MIPOL1: variants seen among roughly 807,000 people sequenced by gnomAD.
MIPOL1 encodes mirror-image polydactyly gene 1 protein.
MIPOL1 carries 57 observed loss-of-function variants against 60.9 expected under a neutral mutation model. The observed-to-expected ratio is 0.94, with a 90% CI of 0.76 to 1.17. The LOEUF is 1.17. Ranked by LOEUF, MIPOL1 falls within the 50% of genes most tolerant of loss-of-function variation. MIPOL1 has a pLI of 0.00. For synonymous variants in MIPOL1, 179 were observed against 168.8 expected (o/e 1.06, Z -0.47); for missense variants, 551 against 511.6 (o/e 1.08, Z -0.74).
chr14:37,257,750 T>G (rs1975201008), intron 3 of MIPOL1, among the ~76,000 whole-genome samples: 1 of 152,112 alleles, frequency 6.6e-6, no homozygotes, highest in Non-Finnish European at 1.5e-5. Context: ...GTAACCCAGG[T>G]TTAGGAACAA....
chr14:37,228,492 G>A (rs1400748932), intron 1 of MIPOL1, among the ~76,000 whole-genome samples: 1 of 151,888 alleles, frequency 6.6e-6, no homozygotes, highest in Non-Finnish European at 1.5e-5. Context: ...AAACCGTTTA[G>A]TTTCTTGTCC....
At chr14:37,496,829 A>T (rs1594730674) in intron 11 of MIPOL1, among the ~76,000 whole-genome samples, 1 of 152,328 alleles carries the variant, frequency 6.6e-6, no homozygotes, top group Non-Finnish European at 1.5e-5. Flanking sequence ...ACCAAAAAAG[A>T]GTCTGCATCG....
intron 11 of MIPOL1, among the ~76,000 whole-genome samples, chr14:37,425,739 C>CA (rs1220690445): frequency 6.6e-6 from 1 of 151,922 alleles, no homozygotes; most frequent in African/African-American, 2.4e-5. Flanking sequence ...GGAGCAGAAC[C>CA]AAAAAATATA....
At chr14:37,402,672 G>T (rs2093507456) in intron 10 of MIPOL1, among the ~76,000 whole-genome samples, 1 of 152,140 alleles carries the variant, frequency 6.6e-6, no homozygotes, top group Non-Finnish European at 1.5e-5. Context: ...AGGAATTGTG[G>T]CCTAAGTATT....
chr14:37,269,982 C>G (rs2083170157), intron 5 of MIPOL1, among the ~76,000 whole-genome samples: 1 of 152,076 alleles, frequency 6.6e-6, no homozygotes, highest in Non-Finnish European at 1.5e-5. Context: ...TGCCCGCCAC[C>G]ACACCTAGCT....
At chr14:37,380,663 A>G (rs977487128) in intron 10 of MIPOL1, among the ~76,000 whole-genome samples, 1 of 152,166 alleles carries the variant, frequency 6.6e-6, no homozygotes, top group Non-Finnish European at 1.5e-5. Flanking sequence ...ATTGCTTTTA[A>G]CATTGGTTAC....
intron 1 of MIPOL1, among the ~76,000 whole-genome samples, chr14:37,226,496 C>T (rs1051258102): frequency 2.6e-5 from 4 of 152,210 alleles, no homozygotes; most frequent in African/African-American, 9.7e-5. Context: ...ATAGAACCAT[C>T]AGATCTCATG....
intron 5 of MIPOL1, 81 bp downstream of exon 5, chr14:37,268,874 T>C (rs1339440708): frequency 1.2e-5 from 14 of 1,169,714 alleles, no homozygotes; most frequent in Middle Eastern, 2.1e-4. Context: ...CCCATCATAA[T>C]TCAGTTTTAT....
chr14:37,346,865 A>G (rs1299737844), intron 9 of MIPOL1, among the ~76,000 whole-genome samples: 1 of 152,198 alleles, frequency 6.6e-6, no homozygotes, highest in East Asian at 1.9e-4. Flanking sequence ...AGAAGTGATA[A>G]TGAAGCTTGT....
chr14:37,385,431 A>C (rs1430074962), intron 10 of MIPOL1: 1 of 152,110 alleles, frequency 6.6e-6, no homozygotes. Context: ...ATCAGAGTTA[A>C]GGGTGTTTGT....
At chr14:37,240,163 G>A (rs888193456) in intron 1 of MIPOL1, among the ~76,000 whole-genome samples, 17 of 151,978 alleles carry the variant, frequency 1.1e-4, no homozygotes, top group Non-Finnish European at 1.9e-4. Flanking sequence ...TTATTCTTCC[G>A]TATATGCCTC....
At position 37,334,550 on chromosome 14, in the gene MIPOL1, T is replaced by C. The variant is rs551870116; in HGVS notation, c.828+26031T>C. ...ATATACCATTCATACCCTTAAAGTATACAATATAATATTTTTCGGTATATT... is the reference window on the plus strand; with the variant it reads ...ATATACCATTCATACCCTTAAAGTACACAATATAATATTTTTCGGTATATT... On this transcript the variant is annotated intron_variant, in intron 9 of 12. Coordinates refer to ENST00000684589, the MANE Select transcript of MIPOL1 (RefSeq NM_001388067.1). Among the ~76,000 whole-genome samples the C allele has an allele frequency of 6.6e-5, 10 of 152,116 alleles. No homozygotes were observed. The South Asian group carries it at 2.1e-3, about 32-fold the overall frequency.
intron 9 of MIPOL1, among the ~76,000 whole-genome samples, chr14:37,357,588 T>C (rs2091934292): frequency 6.6e-6 from 1 of 152,128 alleles, no homozygotes; most frequent in South Asian, 2.1e-4. Flanking sequence ...TATTTGGTCT[T>C]TTTAAAAAAA....
chr14:37,498,624 AG>A (rs767631154), intron 11 of MIPOL1, among the ~76,000 whole-genome samples: 1 of 152,164 alleles, frequency 6.6e-6, no homozygotes, highest in Non-Finnish European at 1.5e-5. Flanking sequence ...CCATGAAAAA[AG>A]GTATTTTTTG....
Position 37,550,237 on chromosome 14 carries a change from T to C in MIPOL1, c.*3266T>C, listed in dbSNP as rs2095558596. ...TTTATTTTATTAAAAATCTAGAATA[T>C]TAAAGATTTATACTTTTAATATTGA... On this transcript the variant is annotated 3_prime_UTR_variant, in exon 13 of 13. Coordinates refer to ENST00000684589, the MANE Select transcript of MIPOL1 (RefSeq NM_001388067.1). 6.6e-6 allele frequency: 1 copy of C among 151,070 alleles called. No homozygotes were observed. Among genetic ancestry groups the C allele is most frequent in the Non-Finnish European group, 1.5e-5 (1 of 67,620 alleles). 9.4% of individuals were successfully genotyped at this position (151,070 alleles called of 1,614,324 possible). A position where few individuals can be genotyped will look rare whatever the true frequency, so the allele number is the denominator to read the frequency against.
At chr14:37,208,947 C>T (rs1218320131) in intron 1 of MIPOL1, among the ~76,000 whole-genome samples, 1 of 152,082 alleles carries the variant, frequency 6.6e-6, no homozygotes, top group African/African-American at 2.4e-5. Flanking sequence ...GTGATCAAAA[C>T]CAGAACACTA....
intron 7 of MIPOL1, 63 bp from the exon 8 acceptor site, chr14:37,307,993 G>C: frequency 7.3e-7 from 1 of 1,373,914 alleles, no homozygotes; most frequent in East Asian, 2.3e-5. Flanking sequence ...TTTAAAAAGC[G>C]AACTCATTTT....
At chr14:37,208,431 A>C (rs909334273) in intron 1 of MIPOL1, among the ~76,000 whole-genome samples, 7 of 152,162 alleles carry the variant, frequency 4.6e-5, no homozygotes, top group African/African-American at 1.7e-4. Context: ...TAATATAGAG[A>C]AATTAACTTT....
intron 7 of MIPOL1, among the ~76,000 whole-genome samples, chr14:37,289,663 A>G (rs1004472617): frequency 1.3e-5 from 2 of 152,184 alleles, no homozygotes; most frequent in East Asian, 1.9e-4. Flanking sequence ...ATGTTCAGCT[A>G]TTAGGATGCT....
Sources: allele counts gnomAD v4.1 joint callset (sites outside exome capture counted in the v4.1 genomes callset), GRCh38; gene constraint gnomAD v4.1.1; transcripts MANE v1.5; gene names NCBI Gene and HGNC (gene_info 2026-07-23, HGNC 2026-07-21).